GSG1L: variants seen among roughly 807,000 people sequenced by gnomAD.
GSG1L encodes germ cell-specific gene 1-like protein.
A neutral mutation model predicts 42.1 loss-of-function variants in GSG1L; 24 were observed. The ratio of observed to expected loss-of-function variants is 0.57; its 90% CI spans 0.41 to 0.80. The LOEUF is 0.80. GSG1L is among the 30% of genes least tolerant of loss of function. The probability of loss-of-function intolerance (pLI) is 0.00; values close to 1 mark genes in which losing one functional copy is unlikely to be tolerated. For synonymous variants in GSG1L, 215 were observed against 203.5 expected (o/e 1.06, Z -0.48); for missense variants, 445 against 472.2 (o/e 0.94, Z 0.53).
intron 2 of GSG1L, among the ~76,000 whole-genome samples, chr16:27,924,179 A>T (rs996213697): frequency 6.6e-6 from 1 of 151,542 alleles, no homozygotes; most frequent in Non-Finnish European, 1.5e-5. Flanking sequence ...AAATATATAT[A>T]ATGTCTATAT....
At chr16:27,865,570 TATACAC>T (rs1255813201) in intron 3 of GSG1L, among the ~76,000 whole-genome samples, 654 of 12,462 alleles carry the variant, frequency 0.052, 33 homozygotes, top group African/African-American at 0.14. Context: ...TATATATATA[TATACAC>T]ACACACATAC....
intron 1 of GSG1L, among the ~76,000 whole-genome samples, chr16:27,993,639 A>C (rs145627671): frequency 2.6e-5 from 4 of 152,266 alleles, no homozygotes; most frequent in African/African-American, 4.8e-5. Flanking sequence ...GTGAGAGAGG[A>C]GAAAGGAAGA....
chr16:28,031,082 G>C (rs1453057827), intron 1 of GSG1L, among the ~76,000 whole-genome samples: 8 of 147,680 alleles, frequency 5.4e-5, no homozygotes, highest in Non-Finnish European at 1.2e-4. Context: ...GGTATGGGCT[G>C]AGTTGGGATG....
At chr16:27,990,952 T>C (rs1374605700) in intron 1 of GSG1L, among the ~76,000 whole-genome samples, 1 of 152,210 alleles carries the variant, frequency 6.6e-6, no homozygotes, top group African/African-American at 2.4e-5. Context: ...AAATTCCTTA[T>C]GTAAGTTCCA....
At chr16:28,029,985 G>A (rs575705994) in intron 1 of GSG1L, among the ~76,000 whole-genome samples, 3 of 152,244 alleles carry the variant, frequency 2.0e-5, no homozygotes, top group Non-Finnish European at 2.9e-5. Flanking sequence ...ATCACAGATG[G>A]AGGGAGCTCC....
At chr16:27,948,160 G>T (rs1357813390) in intron 2 of GSG1L, among the ~76,000 whole-genome samples, 1 of 152,132 alleles carries the variant, frequency 6.6e-6, no homozygotes, top group East Asian at 1.9e-4. Context: ...GCAAAGGCTA[G>T]GACTCTGCAG....
intron 1 of GSG1L, among the ~76,000 whole-genome samples, chr16:27,985,332 G>T (rs982255391): frequency 6.6e-6 from 1 of 152,012 alleles, no homozygotes; most frequent in Non-Finnish European, 1.5e-5. Flanking sequence ...GGAGTTCTTG[G>T]TCTGTTAGTT....
chr16:27,955,907 AG>A (rs1275540846), intron 2 of GSG1L, among the ~76,000 whole-genome samples: 5 of 147,704 alleles, frequency 3.4e-5, no homozygotes, highest in African/African-American at 1.0e-4. Flanking sequence ...GAAGGAAGGA[AG>A]GAAGGAAGGA....
At chr16:27,798,777 T>C (rs1367284604) in intron 6 of GSG1L, among the ~76,000 whole-genome samples, 2 of 152,110 alleles carry the variant, frequency 1.3e-5, no homozygotes, top group African/African-American at 4.8e-5. Context: ...TTAGGCATGG[T>C]TGTGGTACCA....
chr16:27,877,372 C>T (rs1474814692), intron 3 of GSG1L, among the ~76,000 whole-genome samples: 1 of 152,146 alleles, frequency 6.6e-6, no homozygotes, highest in Non-Finnish European at 1.5e-5. Flanking sequence ...TAAGATTTAC[C>T]TTTTATGACA....
chr16:27,947,211 C>G (rs1310650343), intron 2 of GSG1L, among the ~76,000 whole-genome samples: 1 of 152,026 alleles, frequency 6.6e-6, no homozygotes, highest in Non-Finnish European at 1.5e-5. Flanking sequence ...ACTGCAGTCT[C>G]GACCTCCCTG....
intron 1 of GSG1L, among the ~76,000 whole-genome samples, chr16:28,057,386 G>A (rs887367663): frequency 2.6e-5 from 4 of 152,156 alleles, no homozygotes; most frequent in Non-Finnish European, 5.9e-5. Context: ...TGAGCTCCTA[G>A]AAGGGAAGGG....
chr16:27,981,159 C>T (rs1255733092), intron 1 of GSG1L, among the ~76,000 whole-genome samples: 1 of 152,182 alleles, frequency 6.6e-6, no homozygotes, highest in African/African-American at 2.4e-5. Context: ...ACCTAGCAGC[C>T]TTCCAGACGT....
At chr16:27,798,551 G>A (rs1242773355) in intron 6 of GSG1L, among the ~76,000 whole-genome samples, 6 of 152,190 alleles carry the variant, frequency 3.9e-5, no homozygotes, top group African/African-American at 1.4e-4. Context: ...CAGAGCACAT[G>A]GGGATGAAGG....
At chr16:27,974,662 C>A (rs983758018) in intron 1 of GSG1L, among the ~76,000 whole-genome samples, 1 of 152,158 alleles carries the variant, frequency 6.6e-6, no homozygotes, top group African/African-American at 2.4e-5. Flanking sequence ...ATCTTGCTTG[C>A]AGGCCAGGGG....
At chr16:27,956,365 G>A (rs2141100694) in intron 2 of GSG1L, among the ~76,000 whole-genome samples, 1 of 152,300 alleles carries the variant, frequency 6.6e-6, no homozygotes, top group East Asian at 1.9e-4. Flanking sequence ...ACCTTGACAA[G>A]CAAATTAATG....
intron 3 of GSG1L, among the ~76,000 whole-genome samples, chr16:27,848,718 G>C (rs112882547): frequency 6.6e-6 from 1 of 152,210 alleles, no homozygotes; most frequent in Non-Finnish European, 1.5e-5. Flanking sequence ...TGGAGGTGGG[G>C]GGCACTTCAG....
intron 6 of GSG1L, among the ~76,000 whole-genome samples, chr16:27,797,085 T>C (rs2082826008): frequency 6.6e-6 from 1 of 152,156 alleles, no homozygotes; most frequent in Non-Finnish European, 1.5e-5. Flanking sequence ...TTATCCCCAT[T>C]TTACAGGTGA....
intron 1 of GSG1L, among the ~76,000 whole-genome samples, chr16:27,982,688 T>C (rs1180213396): frequency 2.0e-5 from 3 of 152,196 alleles, no homozygotes; most frequent in Non-Finnish European, 4.4e-5. Flanking sequence ...TCTGCTCTGC[T>C]TCTGGTCAGG....
Sources: allele counts gnomAD v4.1 joint callset (sites outside exome capture counted in the v4.1 genomes callset), GRCh38; gene constraint gnomAD v4.1.1; transcripts MANE v1.5; gene names NCBI Gene and HGNC (gene_info 2026-07-23, HGNC 2026-07-21).